Variants in SLC24A2 observed in about 807,000 individuals in gnomAD.
The protein encoded by SLC24A2 is sodium/potassium/calcium exchanger 2.
SLC24A2 carries 36 observed loss-of-function variants against 62.0 expected under a neutral mutation model. That is an observed-to-expected ratio of 0.58 (90% confidence interval 0.44 to 0.77). SLC24A2 has a LOEUF of 0.77. Among genes scored for constraint, SLC24A2 ranks in the 30% least tolerant of loss-of-function variants. The pLI is 0.00. For synonymous variants in SLC24A2, 358 were observed against 294.0 expected, an observed-to-expected ratio of 1.22 and a Z score of -2.23; for missense variants, 846 against 817.9, an observed-to-expected ratio of 1.03 and a Z score of -0.42.
chr9:20,286,109 T>G, the SLC24A2 span, among the ~76,000 whole-genome samples: 1 of 152,226 alleles, frequency 6.6e-6, no homozygotes, highest in African/African-American at 2.4e-5. Flanking sequence ...AACTTATGCC[T>G]GCACTGAGCT....
At chr9:19,619,730 A>T (rs748207577) in intron 3 of SLC24A2, 38 bp from the exon 4 acceptor site, 15 of 1,488,152 alleles carry the variant, frequency 1.0e-5, no homozygotes. Context: ...AGTCTCAGGA[A>T]TGAAAGACAA....
chr9:20,246,930 C>G, the SLC24A2 span, among the ~76,000 whole-genome samples: 1 of 152,222 alleles, frequency 6.6e-6, no homozygotes, highest in African/African-American at 2.4e-5. Context: ...TCTACCTTAA[C>G]TATGCAGAGG....
intron 8 of SLC24A2, among the ~76,000 whole-genome samples, chr9:19,542,765 C>G (rs1055879526): frequency 1.3e-5 from 2 of 152,180 alleles, no homozygotes; most frequent in African/African-American, 4.8e-5. Flanking sequence ...TTGAACCAGC[C>G]TTGCATCCCA....
the SLC24A2 span, among the ~76,000 whole-genome samples, chr9:19,998,707 C>G: frequency 2.0e-5 from 3 of 152,330 alleles, no homozygotes; most frequent in African/African-American, 4.8e-5. Flanking sequence ...TACTAATTGT[C>G]TGCCCATATT....
chr9:20,024,675 T>C, the SLC24A2 span, among the ~76,000 whole-genome samples: 1 of 152,320 alleles, frequency 6.6e-6, no homozygotes, highest in South Asian at 2.1e-4. Context: ...CGTGTGTGTG[T>C]GTTCACTTGT....
At chr9:19,787,978 T>G (rs769151425) in intron 1 of SLC24A2, among the ~76,000 whole-genome samples, 9 of 152,246 alleles carry the variant, frequency 5.9e-5, no homozygotes, top group Non-Finnish European at 1.0e-4. Context: ...ATGGGTAAAA[T>G]AGCCAGACTT....
chr9:20,066,120 C>A, the SLC24A2 span, among the ~76,000 whole-genome samples: 2 of 152,042 alleles, frequency 1.3e-5, no homozygotes, highest in Admixed American at 1.3e-4. Context: ...TAAAACAAAC[C>A]CTAGTATCAG....
At chr9:20,287,451 G>A in the SLC24A2 span, among the ~76,000 whole-genome samples, 93 of 152,310 alleles carry the variant, frequency 6.1e-4, 2 homozygotes, top group East Asian at 0.017. Context: ...CCTGGGGTGA[G>A]GTGGGGTGGG....
the SLC24A2 span, among the ~76,000 whole-genome samples, chr9:20,206,899 A>T: frequency 6.6e-6 from 1 of 150,532 alleles, no homozygotes; most frequent in Non-Finnish European, 1.5e-5. Context: ...GCGGTTACGG[A>T]TCTTCATAAT....
At chr9:20,262,446 A>G in the SLC24A2 span, among the ~76,000 whole-genome samples, 1 of 152,226 alleles carries the variant, frequency 6.6e-6, no homozygotes, top group African/African-American at 2.4e-5. Flanking sequence ...GTTGGCTCAC[A>G]AGTAATTTTT....
the SLC24A2 span, among the ~76,000 whole-genome samples, chr9:20,074,481 T>C: frequency 4.0e-5 from 6 of 151,514 alleles, no homozygotes. Context: ...GGCAACCATT[T>C]TGCAGCTATA....
At chr9:20,153,466 G>A in the SLC24A2 span, among the ~76,000 whole-genome samples, 1 of 151,810 alleles carries the variant, frequency 6.6e-6, no homozygotes. Flanking sequence ...CTTACCACGT[G>A]TTTCATCTCA....
chr9:19,678,121 A>G (rs1245232658), intron 2 of SLC24A2, among the ~76,000 whole-genome samples: 1 of 151,946 alleles, frequency 6.6e-6, no homozygotes, highest in Admixed American at 6.6e-5. Flanking sequence ...CTAATAACTG[A>G]CTCCCAGGAC....
At chr9:19,682,676 C>G (rs963503013) in intron 2 of SLC24A2, among the ~76,000 whole-genome samples, 1 of 152,130 alleles carries the variant, frequency 6.6e-6, no homozygotes, top group Non-Finnish European at 1.5e-5. Flanking sequence ...CCTCTAAATA[C>G]ACAAACGTAC....
At chr9:19,960,395 C>G in the SLC24A2 span, among the ~76,000 whole-genome samples, 1 of 152,092 alleles carries the variant, frequency 6.6e-6, no homozygotes, top group Admixed American at 6.6e-5. Flanking sequence ...ATTGACTTCA[C>G]TGTGCATTCG....
At chr9:19,902,190 G>A in the SLC24A2 span, among the ~76,000 whole-genome samples, 2 of 152,146 alleles carry the variant, frequency 1.3e-5, no homozygotes, top group Admixed American at 6.5e-5. Context: ...ATAATGAGAC[G>A]TGTCTCACCT....
the SLC24A2 span, among the ~76,000 whole-genome samples, chr9:19,983,215 A>C: frequency 3.9e-5 from 6 of 152,206 alleles, no homozygotes; most frequent in Non-Finnish European, 7.4e-5. Flanking sequence ...AAAGACATAA[A>C]ACTATCTCTA....
the SLC24A2 span, among the ~76,000 whole-genome samples, chr9:20,186,676 C>G: frequency 5.3e-5 from 8 of 151,934 alleles, no homozygotes; most frequent in Non-Finnish European, 1.0e-4. Context: ...TATCTTTAAG[C>G]CTTGGTTTTC....
the SLC24A2 span, among the ~76,000 whole-genome samples, chr9:20,292,658 TGC>T: frequency 2.0e-5 from 3 of 152,212 alleles, no homozygotes; most frequent in African/African-American, 2.4e-5. Context: ...CAGGTTGGAG[TGC>T]AATGGCACAA....
Sources: gnomAD v4.1 joint callset for allele counts (sites outside exome capture counted in the v4.1 genomes callset) on GRCh38, gnomAD v4.1.1 for gene constraint, MANE v1.5 for transcripts, NCBI Gene and HGNC (gene_info 2026-07-23, HGNC 2026-07-21) for gene names.